The following SRBD1 variants were observed in gnomAD, a reference collection of about 807,000 sequenced individuals.
SRBD1 encodes S1 RNA binding domain 1, also known as S1 RNA-binding domain-containing protein 1.
SRBD1 carries 88 observed loss-of-function variants against 115.3 expected under a neutral mutation model. The ratio of observed to expected loss-of-function variants is 0.76; its 90% CI spans 0.64 to 0.91. SRBD1 has a LOEUF of 0.91. Among genes scored for constraint, SRBD1 ranks in the 40% least tolerant of loss-of-function variants. SRBD1 has a pLI of 0.00. For missense variants in SRBD1, 1,385 were observed against 1,177.4 expected (o/e 1.18, Z -2.58); for synonymous variants, 509 against 407.7 (o/e 1.25, Z -2.99).
intron 3 of SRBD1, among the ~76,000 whole-genome samples, chr2:45,601,102 A>G (rs879690870): frequency 2.8e-4 from 43 of 152,248 alleles, no homozygotes; most frequent in Non-Finnish European, 4.1e-4. Context: ...AGAAAGTGTC[A>G]ATCATAAAGG....
At chr2:45,507,149 C>G (rs781443993) in intron 14 of SRBD1, among the ~76,000 whole-genome samples, 1 of 152,130 alleles carries the variant, frequency 6.6e-6, no homozygotes, top group East Asian at 1.9e-4. Flanking sequence ...TAAACAGACA[C>G]ATGAAATGGA....
At chr2:45,549,847 A>G (rs962638170) in intron 12 of SRBD1, among the ~76,000 whole-genome samples, 2 of 152,184 alleles carry the variant, frequency 1.3e-5, no homozygotes, top group Non-Finnish European at 2.9e-5. Flanking sequence ...TGGGTAAAAG[A>G]GCAAGACCCT....
chr2:45,514,997 T>C (rs1671076407), intron 14 of SRBD1, among the ~76,000 whole-genome samples: 2 of 152,182 alleles, frequency 1.3e-5, no homozygotes, highest in South Asian at 2.1e-4. Flanking sequence ...CACTTTTTAA[T>C]TTTAAAAGGA....
At chr2:45,471,282 T>C (rs1284632607) in intron 16 of SRBD1, among the ~76,000 whole-genome samples, 1 of 152,170 alleles carries the variant, frequency 6.6e-6, no homozygotes, top group Non-Finnish European at 1.5e-5. Context: ...TGTAAACACA[T>C]GCCTACATTT....
At chr2:45,541,358 C>A (rs1170449439) in intron 14 of SRBD1, among the ~76,000 whole-genome samples, 2 of 152,246 alleles carry the variant, frequency 1.3e-5, no homozygotes, top group Non-Finnish European at 2.9e-5. Context: ...CAAAGGGCTG[C>A]AGCTCTTTTC....
intron 15 of SRBD1, among the ~76,000 whole-genome samples, chr2:45,479,235 T>C (rs967497024): frequency 2.6e-5 from 4 of 152,090 alleles, no homozygotes; most frequent in South Asian, 4.1e-4. Context: ...AACCCTACAA[T>C]GGCCTCTTAA....
intron 4 of SRBD1, among the ~76,000 whole-genome samples, chr2:45,594,478 T>C (rs893271665): frequency 6.6e-6 from 1 of 152,198 alleles, no homozygotes; most frequent in African/African-American, 2.4e-5. Flanking sequence ...ATTCTTATAG[T>C]TCATGGTATC....
chr2:45,451,122 A>G (rs1320745920), intron 16 of SRBD1, among the ~76,000 whole-genome samples: 1 of 152,102 alleles, frequency 6.6e-6, no homozygotes, highest in African/African-American at 2.4e-5. Context: ...GATTCAAGCT[A>G]CAAATGACAG....
At chr2:45,412,988 C>G (rs951108779) in intron 19 of SRBD1, 126 bp downstream of exon 19, 1 of 1,100,260 alleles carries the variant, frequency 9.1e-7, no homozygotes, top group Non-Finnish European at 1.3e-6. Context: ...CAATGCAGAA[C>G]TTCTGAAAAA....
At chr2:45,511,092 C>A (rs903137401) in intron 14 of SRBD1, among the ~76,000 whole-genome samples, 1 of 152,206 alleles carries the variant, frequency 6.6e-6, no homozygotes, top group African/African-American at 2.4e-5. Context: ...GGTCAGTGCA[C>A]CCATCCCTTA....
intron 9 of SRBD1, among the ~76,000 whole-genome samples, chr2:45,571,609 T>C (rs933523440): frequency 6.7e-6 from 1 of 149,256 alleles, no homozygotes; most frequent in Non-Finnish European, 1.5e-5. Flanking sequence ...CTATTCAATA[T>C]GCTGAATTCA....
At chr2:45,415,959 T>A (rs1209413619) in intron 18 of SRBD1, among the ~76,000 whole-genome samples, 1 of 151,928 alleles carries the variant, frequency 6.6e-6, no homozygotes. Flanking sequence ...CCAAAACCAA[T>A]TTAAGGATGA....
chr2:45,569,725 C>G (rs13403921), intron 9 of SRBD1, among the ~76,000 whole-genome samples: 9,053 of 152,168 alleles, frequency 0.059, 388 homozygotes, highest in African/African-American at 0.12. Flanking sequence ...AAATAAAACA[C>G]AACATAGGAC....
At chr2:45,548,597 T>C (rs1461515962) in intron 12 of SRBD1, among the ~76,000 whole-genome samples, 1 of 151,606 alleles carries the variant, frequency 6.6e-6, no homozygotes, top group Non-Finnish European at 1.5e-5. Flanking sequence ...AAAGAAAGTA[T>C]CATAACCAAG....
Position 45,499,787 on chromosome 2 carries a change from T to G in SRBD1, c.1875-11456A>C, listed in dbSNP as rs560037506. 5.8e-4 allele frequency among the ~76,000 whole-genome samples: 88 copies of G among 152,190 alleles called. 1 individual carries two copies. The highest frequency in any genetic ancestry group is 5.2e-4 in the Admixed American group (8 of 15,272). On this transcript the variant is annotated intron_variant, in intron 14 of 20. Coordinates refer to ENST00000263736, the MANE Select transcript of SRBD1 (RefSeq NM_018079.5). ...CCAGTGTGTGTTCTTGGCACCACTG[T>G]CAAAATGAGTTGACTCCACGTGTAC...
intron 16 of SRBD1, 57 bp downstream of exon 16, chr2:45,476,936 G>T: frequency 1.3e-6 from 2 of 1,489,582 alleles, no homozygotes; most frequent in South Asian, 1.1e-5. Context: ...TCCCAGGTTT[G>T]AGTACTGCTC....
chr2:45,497,083 A>T (rs562579881), intron 14 of SRBD1, among the ~76,000 whole-genome samples: 42 of 152,124 alleles, frequency 2.8e-4, no homozygotes, highest in South Asian at 6.2e-4. Context: ...CACATTTCTG[A>T]CTCTGCTATA....
intron 14 of SRBD1, among the ~76,000 whole-genome samples, chr2:45,544,789 T>C (rs1558467604): frequency 6.6e-6 from 1 of 152,220 alleles, no homozygotes; most frequent in South Asian, 2.1e-4. Context: ...AGTACGTATA[T>C]AAACAAATAC....
intron 15 of SRBD1, among the ~76,000 whole-genome samples, chr2:45,478,843 G>A (rs1000839305): frequency 6.6e-6 from 1 of 152,116 alleles, no homozygotes; most frequent in Admixed American, 6.5e-5. Flanking sequence ...TCATTGTATT[G>A]CATTTTGCTT....
Sources: gnomAD v4.1 joint callset for allele counts (sites outside exome capture counted in the v4.1 genomes callset) on GRCh38, gnomAD v4.1.1 for gene constraint, MANE v1.5 for transcripts, NCBI Gene and HGNC (gene_info 2026-07-23, HGNC 2026-07-21) for gene names.